MAF: variants seen among roughly 807,000 people sequenced by gnomAD.
The protein encoded by MAF is MAF bZIP transcription factor.
MAF carries 10 observed loss-of-function variants against 22.0 expected under a neutral mutation model. The ratio of observed to expected loss-of-function variants is 0.45; its 90% CI spans 0.28 to 0.77. The LOEUF (loss-of-function observed/expected upper bound fraction) is 0.77. Ranked by LOEUF, MAF falls within the 30% of genes least tolerant of loss-of-function variation. The pLI, the probability that MAF is intolerant of heterozygous loss-of-function variation, is 0.12. For synonymous variants in MAF, 337 were observed against 255.8 expected (o/e 1.32, Z -3.03); for missense variants, 544 against 548.4 (o/e 0.99, Z 0.08).
chr16:79,266,890 G>A, the MAF span, among the ~76,000 whole-genome samples: 3 of 152,186 alleles, frequency 2.0e-5, no homozygotes, highest in Admixed American at 6.5e-5. Context: ...AGTGTTCACA[G>A]GGTATCATGG....
chr16:79,297,391 T>C, the MAF span, among the ~76,000 whole-genome samples: 1 of 152,146 alleles, frequency 6.6e-6, no homozygotes, highest in African/African-American at 2.4e-5. Flanking sequence ...GGGCAAGGCT[T>C]GATGCTATGA....
chr16:79,544,378 A>G, the MAF span, among the ~76,000 whole-genome samples: 1 of 152,218 alleles, frequency 6.6e-6, no homozygotes, highest in African/African-American at 2.4e-5. Flanking sequence ...ATCAGCAGAG[A>G]AAGTTTTACT....
chr16:79,289,365 G>T, the MAF span, among the ~76,000 whole-genome samples: 1 of 152,124 alleles, frequency 6.6e-6, no homozygotes, highest in Non-Finnish European at 1.5e-5. Context: ...GGGTCTCAGG[G>T]AAGGCCTGGA....
At chr16:79,315,602 G>A in the MAF span, among the ~76,000 whole-genome samples, 4 of 152,194 alleles carry the variant, frequency 2.6e-5, no homozygotes, top group African/African-American at 9.7e-5. Context: ...GCTTTCCCAA[G>A]TTCCTAATAC....
At chr16:79,452,314 G>C in the MAF span, among the ~76,000 whole-genome samples, 1 of 152,160 alleles carries the variant, frequency 6.6e-6, no homozygotes, top group African/African-American at 2.4e-5. Flanking sequence ...ATCCATTGCT[G>C]TGCTGTGTAA....
the MAF span, among the ~76,000 whole-genome samples, chr16:79,520,098 T>C: frequency 0.11 from 16,459 of 152,234 alleles, 1,138 homozygotes; most frequent in Admixed American, 0.22. Flanking sequence ...GGGCCTCTTC[T>C]GAGTTCTGAA....
At chr16:79,420,385 C>T in the MAF span, among the ~76,000 whole-genome samples, 1 of 152,322 alleles carries the variant, frequency 6.6e-6, no homozygotes, top group African/African-American at 2.4e-5. Flanking sequence ...ACAGTGGCCG[C>T]ATGTTGACAC....
the MAF span, among the ~76,000 whole-genome samples, chr16:79,399,604 C>G: frequency 6.6e-6 from 1 of 151,998 alleles, no homozygotes; most frequent in African/African-American, 2.4e-5. Flanking sequence ...ACTGATACGC[C>G]CCAGCCAGGG....
At chr16:79,584,976 T>C (rs985444419), downstream of MAF, among the ~76,000 whole-genome samples, 1 of 152,168 alleles carries the variant, frequency 6.6e-6, no homozygotes, top group Non-Finnish European at 1.5e-5. Flanking sequence ...AGAGCAGCAA[T>C]TTGAAAGTGT....
the MAF span, among the ~76,000 whole-genome samples, chr16:79,300,285 G>A: frequency 2.0e-4 from 30 of 152,166 alleles, no homozygotes; most frequent in Admixed American, 9.2e-4. Flanking sequence ...GACCAGGCGC[G>A]GTGGCTCACA....
chr16:79,281,428 T>C, the MAF span, among the ~76,000 whole-genome samples: 2 of 152,162 alleles, frequency 1.3e-5, no homozygotes, highest in East Asian at 1.9e-4. Flanking sequence ...ATACCAAATA[T>C]TTAAGGTGAG....
chr16:79,549,189 T>A, the MAF span, among the ~76,000 whole-genome samples: 1 of 152,178 alleles, frequency 6.6e-6, no homozygotes, highest in Non-Finnish European at 1.5e-5. Flanking sequence ...CAGGAACAAC[T>A]GCAAGAGTGT....
Position 79,594,805 on chromosome 16 carries a change from C to T in MAF, c.1119-252G>A. 3 of 1,282,236 alleles carry T rather than the reference C, an allele frequency of 2.3e-6. No homozygotes were observed. In the South Asian group the frequency reaches 5.4e-5, roughly 23 times the overall value. The allele number at this position is 1,282,236 out of a possible 1,614,324, so 79.4% of individuals were successfully genotyped here. Reference sequence around the variant, plus strand: ...AAAAATGCCTTTTACTAGGAGTTAACCTTCTCTTACAGCCAGCCACTCAAA... The same window carrying T: ...AAAAATGCCTTTTACTAGGAGTTAATCTTCTCTTACAGCCAGCCACTCAAA... On this transcript the variant is annotated intron_variant, in intron 1 of 1. Coordinates refer to ENST00000326043, the MANE Select transcript of MAF (RefSeq NM_005360.5).
the MAF span, among the ~76,000 whole-genome samples, chr16:79,347,834 G>A: frequency 6.6e-6 from 1 of 152,250 alleles, no homozygotes; most frequent in Non-Finnish European, 1.5e-5. Context: ...CAGGAACCAT[G>A]GATTCTTTTG....
the MAF span, among the ~76,000 whole-genome samples, chr16:79,437,760 C>T: frequency 1.3e-5 from 2 of 152,200 alleles, no homozygotes; most frequent in South Asian, 2.1e-4. Context: ...CTGAGAGAAA[C>T]CGTAGGCTGG....
chr16:79,522,840 C>G, the MAF span, among the ~76,000 whole-genome samples: 1 of 152,310 alleles, frequency 6.6e-6, no homozygotes, highest in East Asian at 1.9e-4. Context: ...ATGCTCGGAG[C>G]TCCTTGGAGA....
chr16:79,430,976 C>T, the MAF span, among the ~76,000 whole-genome samples: 2 of 152,252 alleles, frequency 1.3e-5, no homozygotes, highest in South Asian at 2.1e-4. Flanking sequence ...AGAGACTTCC[C>T]TCTTTTCTAC....
At chr16:79,399,319 G>C in the MAF span, among the ~76,000 whole-genome samples, 2 of 152,296 alleles carry the variant, frequency 1.3e-5, no homozygotes, top group African/African-American at 4.8e-5. Context: ...TATATATTAA[G>C]TGCTCAATTA....
At chr16:79,473,212 G>C in the MAF span, among the ~76,000 whole-genome samples, 2 of 152,134 alleles carry the variant, frequency 1.3e-5, no homozygotes, top group Non-Finnish European at 2.9e-5. Context: ...CCTCTGTGGA[G>C]GGGGAGGGAG....
Sources: allele counts gnomAD v4.1 joint callset (sites outside exome capture counted in the v4.1 genomes callset), GRCh38; gene constraint gnomAD v4.1.1; transcripts MANE v1.5; gene names NCBI Gene and HGNC (gene_info 2026-07-23, HGNC 2026-07-21).